Variants in CLGN observed in about 807,000 individuals in gnomAD.
CLGN encodes calmegin, also known as testis tissue sperm-binding protein Li 79P.
A neutral mutation model predicts 79.1 loss-of-function variants in CLGN; 62 were observed. The ratio of observed to expected loss-of-function variants is 0.78; its 90% CI spans 0.64 to 0.97. The LOEUF is 0.97. CLGN is among the 50% of genes least tolerant of loss of function. The probability of loss-of-function intolerance (pLI) is 0.00; values close to 1 mark genes in which losing one functional copy is unlikely to be tolerated. For missense variants in CLGN, 647 were observed against 715.5 expected, an observed-to-expected ratio of 0.90 and a Z score of 1.09; for synonymous variants, 225 against 224.7, an observed-to-expected ratio of 1.00 and a Z score of -0.01.
chr4:140,397,254 A>G (rs1038009129), intron 8 of CLGN, among the ~76,000 whole-genome samples: 1 of 152,074 alleles, frequency 6.6e-6, no homozygotes, highest in Non-Finnish European at 1.5e-5. Context: ...GAGTGTTACC[A>G]AACTTCTTGA....
chr4:140,390,136 G>T (rs1009976802), intron 14 of CLGN, among the ~76,000 whole-genome samples: 1 of 151,644 alleles, frequency 6.6e-6, no homozygotes, highest in Non-Finnish European at 1.5e-5. Context: ...AAAAGGGGTA[G>T]ACTAATAAGG....
chr4:140,415,234 T>C (rs1729303883), intron 1 of CLGN, among the ~76,000 whole-genome samples: 1 of 152,134 alleles, frequency 6.6e-6, no homozygotes, highest in Non-Finnish European at 1.5e-5. Flanking sequence ...AGGTACCAGC[T>C]GCTGCAAAAT....
chr4:140,406,012 C>G lies in CLGN; in HGVS notation c.349G>C (p.Ala117Pro). 1 of 1,613,506 alleles carries G rather than the reference C, an allele frequency of 6.2e-7. No homozygotes were observed. The highest frequency in any genetic ancestry group is 8.5e-7 in the Non-Finnish European group (1 of 1,179,680). Residue 117 changes from alanine (A) to proline (P), a missense_variant, in exon 5 of 15, where the codon GCA becomes CCA. Ala to Pro is a conservative substitution (Grantham distance 27). Coordinates refer to ENST00000325617, the MANE Select transcript of CLGN (RefSeq NM_004362.3). ...ACAGCAGATATTGCATGATGCTTTG[C>G]TCTAGATTTTAATACCAGTCCTCTG... ...GDRGLVLKSR[A>P]KHHAISAVLA...
chr4:140,395,772 C>G, intron 10 of CLGN, 47 bp downstream of exon 10: 1 of 1,334,136 alleles, frequency 7.5e-7, no homozygotes, highest in Non-Finnish European at 9.7e-7. Flanking sequence ...TAGAAAAGAT[C>G]ACAACATTTT....
chr4:140,402,643 T>G (rs56993373), intron 5 of CLGN, among the ~76,000 whole-genome samples: 2 of 152,226 alleles, frequency 1.3e-5, no homozygotes, highest in African/African-American at 2.4e-5. Context: ...TTTCACTGTT[T>G]AGTATAACAG....
At chr4:140,422,714 T>A (rs1729494283) in intron 1 of CLGN, among the ~76,000 whole-genome samples, 2 of 152,284 alleles carry the variant, frequency 1.3e-5, no homozygotes, top group South Asian at 4.1e-4. Context: ...ACTCCTGGAC[T>A]CAGGTGATCC....
intron 11 of CLGN, among the ~76,000 whole-genome samples, chr4:140,393,493 G>C (rs1239394331): frequency 1.3e-5 from 2 of 152,022 alleles, no homozygotes; most frequent in East Asian, 1.9e-4. Flanking sequence ...GTAATATTTA[G>C]ATTATCATTG....
In CLGN at chr4:140,392,390, A is replaced by C. The variant is rs1185984319; in HGVS notation, c.1492-12T>G. 6.3e-7 allele frequency: 1 copy of C among 1,577,540 alleles called. No homozygotes were observed. The highest frequency in any genetic ancestry group is 2.2e-5 in the East Asian group (1 of 44,600). On this transcript the variant is annotated splice_polypyrimidine_tract_variant and intron_variant, in intron 12 of 14. Transcript: ENST00000325617. ...TCTTTATGTTTTTTCTGTGGTAGTT[A>C]ACATAAGTTATTTTTACTAAAGGCA...
chr4:140,396,073 G>A lies in CLGN; in HGVS notation c.998+19C>T. 2.5e-6 allele frequency: 4 copies of A among 1,611,076 alleles called. No individual in the cohort carries two copies. The South Asian group carries it at 4.4e-5, about 18-fold the overall frequency. ...TAAGAAACATTTGAAATCGACATTTGAAGATGAAGAGTGCTTACCAGTCAT... is the reference window on the plus strand; with the variant it reads ...TAAGAAACATTTGAAATCGACATTTAAAGATGAAGAGTGCTTACCAGTCAT... On this transcript the variant is annotated intron_variant, in intron 9 of 14. Transcript: ENST00000325617.
intron 10 of CLGN, among the ~76,000 whole-genome samples, chr4:140,395,284 C>T (rs1029404581): frequency 4.0e-5 from 6 of 151,898 alleles, no homozygotes; most frequent in African/African-American, 1.5e-4. Context: ...GTAGCTGGGA[C>T]TACAGGCGTG....
chr4:140,405,779 G>A (rs1430671919), intron 5 of CLGN, among the ~76,000 whole-genome samples, 163 bp downstream of exon 5: 1 of 152,082 alleles, frequency 6.6e-6, no homozygotes, highest in Non-Finnish European at 1.5e-5. Context: ...TTTATTGAAA[G>A]CATGGATATG....
chr4:140,398,419 G>A (rs1196975664), intron 8 of CLGN, among the ~76,000 whole-genome samples: 2 of 151,740 alleles, frequency 1.3e-5, no homozygotes, highest in Non-Finnish European at 2.9e-5. Context: ...ACAGGCACCC[G>A]CCGCCATGCC....
rs358330 is a variant in CLGN, at chr4:140,392,719, C to A, written c.1366-8G>T. 6 of 1,562,792 alleles carry A rather than the reference C, an allele frequency of 3.8e-6. No individual in the cohort carries two copies. The East Asian group carries it at 1.2e-4, about 30-fold the overall frequency. ...CTGTTTTAATACACCAGGCTATAGA[C>A]GAGATAAGCATAAAAATGCAATTCA... On this transcript the variant is annotated splice_region_variant and splice_polypyrimidine_tract_variant and intron_variant, in intron 11 of 14. Transcript: ENST00000325617.
Position 140,389,077 on chromosome 4 carries a change from T to C in CLGN, c.*147A>G. The C allele has an allele frequency of 6.4e-6, 4 of 624,040 alleles. No individual in the cohort carries two copies. Among genetic ancestry groups the C allele is most frequent in the Non-Finnish European group, 8.2e-6 (3 of 365,018 alleles). 38.7% of individuals were successfully genotyped at this position (624,040 alleles called of 1,614,324 possible). A position where few individuals can be genotyped will look rare whatever the true frequency, so the allele number is the denominator to read the frequency against. ...AAAGTTGCTTCTTTTTCCTCTGAAA[T>C]GAAGGACTAAAATAAATGTCTGAAA... On this transcript the variant is annotated 3_prime_UTR_variant, in exon 15 of 15. Coordinates refer to ENST00000325617, the MANE Select transcript of CLGN (RefSeq NM_004362.3).
chr4:140,425,114 T>A (rs1473239), intron 1 of CLGN, among the ~76,000 whole-genome samples: 104,838 of 152,018 alleles, frequency 0.69, 36,446 homozygotes, highest in Non-Finnish European at 0.75. Flanking sequence ...ATGTGTTGTA[T>A]AGTGTGGGAG....
Position 140,420,562 on chromosome 4 carries a change from A to T in CLGN, c.-10+6975T>A, listed in dbSNP as rs566287175. Among the ~76,000 whole-genome samples, 21 of 151,906 alleles carry T rather than the reference A, an allele frequency of 1.4e-4. No individual in the cohort carries two copies. In the South Asian group the frequency reaches 4.4e-3, roughly 32 times the overall value. On this transcript the variant is annotated intron_variant, in intron 1 of 14. Coordinates refer to ENST00000325617, the MANE Select transcript of CLGN (RefSeq NM_004362.3). ...TTATTTGTTCTTTTTTTTAAAAAAA[A>T]AAATCAGAAATACAGACTTAATACT...
chr4:140,404,281 G>A (rs556304381), intron 5 of CLGN, among the ~76,000 whole-genome samples: 1 of 152,058 alleles, frequency 6.6e-6, no homozygotes, highest in East Asian at 1.9e-4. Context: ...TTTTAGTAGA[G>A]ACAGGGTTTC....
chr4:140,406,135 G>A (rs755012913), intron 4 of CLGN, 52 bp from the exon 5 acceptor site: 9 of 1,550,524 alleles, frequency 5.8e-6, no homozygotes, highest in Non-Finnish European at 7.9e-6. Context: ...ATTGACCTAA[G>A]AATTATTTAT....
Position 140,389,353 on chromosome 4 carries a change from A to G in CLGN, c.1753-49T>C, listed in dbSNP as rs59379462. On this transcript the variant is annotated intron_variant, in intron 14 of 14. Coordinates refer to ENST00000325617, the MANE Select transcript of CLGN (RefSeq NM_004362.3). The stretch of plus-strand genomic sequence containing the variant: ...GTTTCTTTTAGTATAACACATAACT[A>G]GTAGATAGTAGTAAACAATATATTT... 5,132 of 1,247,154 alleles carry G rather than the reference A, an allele frequency of 4.1e-3. 153 individuals are homozygous for G. In the African/African-American group the frequency reaches 0.065, roughly 16 times the overall value. 77.3% of individuals were successfully genotyped at this position (1,247,154 alleles called of 1,614,324 possible). A position where few individuals can be genotyped will look rare whatever the true frequency, so the allele number is the denominator to read the frequency against.
Sources: allele counts gnomAD v4.1 joint callset (sites outside exome capture counted in the v4.1 genomes callset), GRCh38; gene constraint gnomAD v4.1.1; transcripts MANE v1.5; gene names NCBI Gene and HGNC (gene_info 2026-07-23, HGNC 2026-07-21).